DSCAM: variants seen among roughly 807,000 people sequenced by gnomAD.
DSCAM encodes DS cell adhesion molecule.
DSCAM carries 47 observed loss-of-function variants against 217.7 expected under a neutral mutation model. That is an observed-to-expected ratio of 0.22 (90% confidence interval 0.17 to 0.28). The LOEUF is 0.28. Among genes scored for constraint, DSCAM ranks in the 10% least tolerant of loss-of-function variants. The pLI is 1.00. For missense variants in DSCAM, 2,080 were observed against 2,618.3 expected, an observed-to-expected ratio of 0.79 and a Z score of 4.49; for synonymous variants, 1,056 against 1,015.3, an observed-to-expected ratio of 1.04 and a Z score of -0.76.
chr21:40,416,687 ATTAAAC>A (rs1319891527), intron 3 of DSCAM, among the ~76,000 whole-genome samples: 1 of 152,196 alleles, frequency 6.6e-6, no homozygotes, highest in Non-Finnish European at 1.5e-5. Flanking sequence ...TGATAGAATT[ATTAAAC>A]TAAAAGAAAA....
At chr21:40,402,969 A>ACC (rs58917326) in intron 3 of DSCAM, among the ~76,000 whole-genome samples, 19 of 149,844 alleles carry the variant, frequency 1.3e-4, no homozygotes, top group South Asian at 4.3e-4. Context: ...GCAAGATTAT[A>ACC]CCCCCCCACC....
chr21:40,194,943 T>C (rs755098156), intron 11 of DSCAM, among the ~76,000 whole-genome samples: 37 of 152,158 alleles, frequency 2.4e-4, no homozygotes, highest in Non-Finnish European at 5.3e-4. Context: ...GTTAAACATT[T>C]ACCAGAATAA....
chr21:40,630,492 T>C (rs1206254051), intron 3 of DSCAM, among the ~76,000 whole-genome samples: 5 of 152,136 alleles, frequency 3.3e-5, no homozygotes, highest in Non-Finnish European at 7.4e-5. Flanking sequence ...AAAGACAGGG[T>C]TTCACCATGT....
At chr21:40,399,793 G>A (rs964318724) in intron 3 of DSCAM, among the ~76,000 whole-genome samples, 4 of 152,112 alleles carry the variant, frequency 2.6e-5, no homozygotes, top group South Asian at 2.1e-4. Context: ...CATTATAAAC[G>A]TTGACTCACA....
At chr21:40,408,530 C>T (rs562900988) in intron 3 of DSCAM, among the ~76,000 whole-genome samples, 37 of 152,202 alleles carry the variant, frequency 2.4e-4, no homozygotes, top group South Asian at 1.7e-3. Flanking sequence ...GCATTGACAA[C>T]CTGAAAATTG....
intron 3 of DSCAM, among the ~76,000 whole-genome samples, chr21:40,440,393 T>C (rs1331110139): frequency 6.8e-6 from 1 of 147,286 alleles, no homozygotes; most frequent in South Asian, 2.2e-4. Flanking sequence ...TGGAATGAGT[T>C]GACATGTGGA....
rs556366953 is a variant in DSCAM, at chr21:40,654,345, T to C, written c.508+38465A>G. ...CATGCTCTCTGCTTTCTGGTGCTAG[T>C]ACAAAATCAATAGCAGTACTTTCTC... On this transcript the variant is annotated intron_variant, in intron 3 of 32. Coordinates refer to ENST00000400454, the MANE Select transcript of DSCAM (RefSeq NM_001389.5). Among the ~76,000 whole-genome samples, 5 of 152,292 alleles carry C rather than the reference T, an allele frequency of 3.3e-5. 1 individual carries two copies. In the South Asian group the frequency reaches 8.3e-4, roughly 25 times the overall value.
intron 18 of DSCAM, among the ~76,000 whole-genome samples, chr21:40,140,727 G>A (rs1252291850): frequency 6.6e-6 from 1 of 152,112 alleles, no homozygotes; most frequent in African/African-American, 2.4e-5. Flanking sequence ...AGGTGGGAGG[G>A]GTGAAGGTGT....
chr21:40,809,512 T>C (rs2091818918), intron 1 of DSCAM, among the ~76,000 whole-genome samples: 1 of 152,084 alleles, frequency 6.6e-6, no homozygotes, highest in African/African-American at 2.4e-5. Flanking sequence ...TTATGTAAAT[T>C]ATCGCTCAAT....
chr21:40,552,956 C>T (rs1031916316), intron 3 of DSCAM, among the ~76,000 whole-genome samples: 1 of 108,950 alleles, frequency 9.2e-6, no homozygotes, highest in African/African-American at 3.1e-5. Context: ...CATGTGGAAA[C>T]AGCTTTCTAA....
chr21:40,185,117 T>C (rs1458655910), intron 14 of DSCAM, among the ~76,000 whole-genome samples: 2 of 152,126 alleles, frequency 1.3e-5, no homozygotes, highest in Non-Finnish European at 2.9e-5. Flanking sequence ...GTGAAATGCA[T>C]TAATCAGCAT....
At position 40,694,561 on chromosome 21, in the gene DSCAM, C is replaced by T. The variant is rs149543449; in HGVS notation, c.362-1605G>A. ...TCCAGTTTCCATTTTTAACATTAGC[C>T]GTTTTTCCCCAACTTGGAGAATTTC... On this transcript the variant is annotated intron_variant, in intron 2 of 32. Transcript: ENST00000400454. 6.9e-3 allele frequency among the ~76,000 whole-genome samples: 1,049 copies of T among 152,106 alleles called. 16 individuals carry two copies. Among genetic ancestry groups the T allele is most frequent in the South Asian group, 0.054 (261 of 4,806 alleles).
rs182768846 is a variant in DSCAM, at chr21:40,658,655, T to C, written c.508+34155A>G. ...TGAAACATGAACAAGAAGACTACGG[T>C]CCCCTTGGGATGCCCACAGTATGTG... On this transcript the variant is annotated intron_variant, in intron 3 of 32. Coordinates refer to ENST00000400454, the MANE Select transcript of DSCAM (RefSeq NM_001389.5). Among the ~76,000 whole-genome samples, 24 of 152,150 alleles carry C rather than the reference T, an allele frequency of 1.6e-4. No homozygotes were observed. The East Asian group carries it at 4.6e-3, about 29-fold the overall frequency.
chr21:40,563,819 G>GTTATATGTTTATATATGT (rs1239545355), intron 3 of DSCAM, among the ~76,000 whole-genome samples: 18 of 145,992 alleles, frequency 1.2e-4, no homozygotes, highest in South Asian at 2.1e-4. Flanking sequence ...TGTATATATA[G>GTTATATGTTTATATATGT]TTATATGTTT....
chr21:40,300,950 T>C lies in DSCAM; in HGVS notation c.2063-4776A>G, dbSNP rs531296654. Among the ~76,000 whole-genome samples, 172 of 152,340 alleles carry C rather than the reference T, an allele frequency of 1.1e-3. 1 individual carries two copies. The highest frequency in any genetic ancestry group is 3.8e-3 in the African/African-American group (160 of 41,588). The stretch of plus-strand genomic sequence containing the variant: ...TAGAAGGCTCCCAGTAGGAATGAGC[T>C]CCAGTTGCCCATAGCAGCAACCAGC... On this transcript the variant is annotated intron_variant, in intron 9 of 32. Transcript: ENST00000400454.
chr21:40,090,735 C>T (rs150740300), intron 21 of DSCAM, among the ~76,000 whole-genome samples: 63 of 152,290 alleles, frequency 4.1e-4, no homozygotes, highest in Middle Eastern at 3.4e-3. Context: ...CAGGTGTAAG[C>T]GATATCCAGA....
intron 3 of DSCAM, among the ~76,000 whole-genome samples, chr21:40,692,170 G>A (rs1315713524): frequency 6.6e-6 from 1 of 152,216 alleles, no homozygotes; most frequent in Admixed American, 6.5e-5. Context: ...CATGCATCAC[G>A]CGGACAGTCG....
intron 3 of DSCAM, among the ~76,000 whole-genome samples, chr21:40,474,905 A>T (rs543855869): frequency 6.6e-6 from 1 of 152,228 alleles, no homozygotes; most frequent in South Asian, 2.1e-4. Flanking sequence ...CAGTGCAGGC[A>T]GACCCACACC....
At chr21:40,179,258 T>C (rs2090772896) in intron 14 of DSCAM, among the ~76,000 whole-genome samples, 164 bp from the exon 15 acceptor site, 1 of 150,610 alleles carries the variant, frequency 6.6e-6, no homozygotes, top group African/African-American at 2.4e-5. Flanking sequence ...GAATGCAATG[T>C]TCCCAGCTTT....
Sources: allele counts gnomAD v4.1 joint callset (sites outside exome capture counted in the v4.1 genomes callset), GRCh38; gene constraint gnomAD v4.1.1; transcripts MANE v1.5; gene names NCBI Gene and HGNC (gene_info 2026-07-23, HGNC 2026-07-21).